The following TENM3 variants were observed in gnomAD, a reference collection of about 807,000 sequenced individuals.
TENM3 encodes the protein teneurin transmembrane protein 3.
TENM3 carries 63 observed loss-of-function variants against 255.1 expected under a neutral mutation model. The observed-to-expected ratio is 0.25, with a 90% CI of 0.20 to 0.30. The LOEUF (loss-of-function observed/expected upper bound fraction) is 0.30, where lower values mean the gene tolerates loss of function less well. TENM3 is among the 10% of genes least tolerant of loss of function. The pLI is 1.00. For synonymous variants in TENM3, 1,306 were observed against 1,322.3 expected (o/e 0.99, Z 0.27); for missense variants, 2,929 against 3,461.1 (o/e 0.85, Z 3.86).
chr4:181,922,909 T>C, the TENM3 span, among the ~76,000 whole-genome samples: 1 of 152,114 alleles, frequency 6.6e-6, no homozygotes, highest in East Asian at 1.9e-4. Flanking sequence ...GCTTTGAATG[T>C]GTCCCAGAGA....
At chr4:181,886,146 G>A in the TENM3 span, among the ~76,000 whole-genome samples, 3 of 149,936 alleles carry the variant, frequency 2.0e-5, no homozygotes, top group African/African-American at 7.4e-5. Context: ...TCCGCCTTCC[G>A]GGTTCAAGCA....
the TENM3 span, among the ~76,000 whole-genome samples, chr4:181,881,429 A>T: frequency 4.6e-5 from 7 of 152,058 alleles, no homozygotes; most frequent in African/African-American, 1.7e-4. Context: ...ACATGAATAT[A>T]TTTATTCATG....
At chr4:181,936,593 C>G in the TENM3 span, among the ~76,000 whole-genome samples, 1 of 152,112 alleles carries the variant, frequency 6.6e-6, no homozygotes, top group Middle Eastern at 3.4e-3. Context: ...TGGGGGTGAA[C>G]AAGACAGTCT....
At chr4:181,730,867 TTA>T in the TENM3 span, among the ~76,000 whole-genome samples, 1 of 152,156 alleles carries the variant, frequency 6.6e-6, no homozygotes, top group African/African-American at 2.4e-5. Flanking sequence ...CTCATGCTGT[TTA>T]TATGTTTCAC....
At chr4:182,371,431 A>G (rs1766804285) in intron 3 of TENM3, among the ~76,000 whole-genome samples, 1 of 152,128 alleles carries the variant, frequency 6.6e-6, no homozygotes, top group African/African-American at 2.4e-5. Flanking sequence ...TTCAATGGGT[A>G]AATCTGTTCT....
At chr4:182,530,566 G>A (rs1410315787) in intron 3 of TENM3, among the ~76,000 whole-genome samples, 4 of 152,060 alleles carry the variant, frequency 2.6e-5, no homozygotes, top group African/African-American at 4.8e-5. Flanking sequence ...TGTGCTGTGC[G>A]TTTTAGGATG....
chr4:181,656,831 G>A, the TENM3 span, among the ~76,000 whole-genome samples: 6 of 152,186 alleles, frequency 3.9e-5, no homozygotes, highest in Non-Finnish European at 5.9e-5. Context: ...AAGAGGAAAG[G>A]GTGCAGTAAG....
intron 3 of TENM3, among the ~76,000 whole-genome samples, chr4:182,490,129 C>G (rs1735144010): frequency 6.6e-6 from 1 of 152,148 alleles, no homozygotes; most frequent in African/African-American, 2.4e-5. Context: ...TCTAGAAACT[C>G]ATGACCACCG....
the TENM3 span, among the ~76,000 whole-genome samples, chr4:181,780,323 G>A: frequency 2.2e-4 from 33 of 152,044 alleles, no homozygotes; most frequent in African/African-American, 7.2e-4. Context: ...TTTAATGATT[G>A]CCATTCTAAC....
At chr4:182,493,892 T>C (rs1358279069) in intron 3 of TENM3, among the ~76,000 whole-genome samples, 1 of 152,146 alleles carries the variant, frequency 6.6e-6, no homozygotes, top group Non-Finnish European at 1.5e-5. Flanking sequence ...AAAAATAATA[T>C]TGGTTTTTTA....
At chr4:182,054,887 C>T in the TENM3 span, among the ~76,000 whole-genome samples, 1 of 152,150 alleles carries the variant, frequency 6.6e-6, no homozygotes, top group Non-Finnish European at 1.5e-5. Flanking sequence ...AGATGCCTTT[C>T]AGGCTGAGCA....
At chr4:182,101,076 AAGGGAGGG>A in the TENM3 span, among the ~76,000 whole-genome samples, 4,431 of 10,580 alleles carry the variant, frequency 0.42, 1,578 homozygotes, top group East Asian at 0.78. Context: ...AAAAGAAAGG[AAGGGAGGG>A]AGGGAGGGAG....
At chr4:182,162,109 C>G (rs2076193650) in intron 1 of TENM3, among the ~76,000 whole-genome samples, 1 of 151,466 alleles carries the variant, frequency 6.6e-6, no homozygotes, top group Non-Finnish European at 1.5e-5. Context: ...TCCTCAAACT[C>G]ATGGGCTCAA....
chr4:181,917,993 TTTG>T, the TENM3 span, among the ~76,000 whole-genome samples: 4 of 152,196 alleles, frequency 2.6e-5, 1 homozygote, highest in Admixed American at 2.6e-4. Context: ...ACTCCTTAAT[TTTG>T]TTATTATATT....
chr4:182,465,348 T>C (rs906961429), intron 3 of TENM3, among the ~76,000 whole-genome samples: 2 of 152,126 alleles, frequency 1.3e-5, no homozygotes, highest in Non-Finnish European at 2.9e-5. Context: ...GGAAGGGGAC[T>C]GGTCCATGAT....
chr4:182,628,421 T>A (rs1431589474), intron 4 of TENM3, among the ~76,000 whole-genome samples: 3 of 152,226 alleles, frequency 2.0e-5, no homozygotes, highest in Non-Finnish European at 4.4e-5. Context: ...TATGTATAAA[T>A]CCTGCTATCT....
the TENM3 span, among the ~76,000 whole-genome samples, chr4:181,528,870 C>A: frequency 6.7e-6 from 1 of 148,456 alleles, no homozygotes; most frequent in Non-Finnish European, 1.5e-5. Context: ...GGCTGATAAC[C>A]AAACACACAC....
At chr4:181,780,482 T>C in the TENM3 span, among the ~76,000 whole-genome samples, 1 of 152,220 alleles carries the variant, frequency 6.6e-6, no homozygotes, top group African/African-American at 2.4e-5. Context: ...TTGATGGGGT[T>C]GTTTGTTTTT....
intron 19 of TENM3, among the ~76,000 whole-genome samples, chr4:182,746,192 A>G (rs13112084): frequency 0.11 from 16,177 of 152,236 alleles, 1,092 homozygotes; most frequent in Middle Eastern, 0.21. Flanking sequence ...CATTATCAGT[A>G]TCATTCTTTG....
Sources: gnomAD v4.1 joint callset for allele counts (sites outside exome capture counted in the v4.1 genomes callset) on GRCh38, gnomAD v4.1.1 for gene constraint, MANE v1.5 for transcripts, NCBI Gene and HGNC (gene_info 2026-07-23, HGNC 2026-07-21) for gene names.